Variants in ZNF680 observed in about 807,000 individuals in gnomAD.
ZNF680 encodes the protein zinc finger protein 680, also known as hypothetical protein FLJ90430.
A neutral mutation model predicts 12.1 loss-of-function variants in ZNF680; 6 were observed. The ratio of observed to expected loss-of-function variants is 0.49; its 90% CI spans 0.27 to 0.98. The LOEUF is 0.98. Among genes scored for constraint, ZNF680 ranks in the 50% least tolerant of loss-of-function variants. The pLI is 0.12. For missense variants in ZNF680, 561 were observed against 616.3 expected, an observed-to-expected ratio of 0.91 and a Z score of 0.95; for synonymous variants, 170 against 199.3, an observed-to-expected ratio of 0.85 and a Z score of 1.24.
At chr7:64,501,999 T>TC in the ZNF680 span, among the ~76,000 whole-genome samples, 1 of 95,920 alleles carries the variant, frequency 1.0e-5, no homozygotes. Flanking sequence ...ACGTATTTCT[T>TC]TTTTTTTTTT....
intron 1 of ZNF680, among the ~76,000 whole-genome samples, chr7:64,549,879 A>C (rs569863725): frequency 6.6e-6 from 1 of 152,178 alleles, no homozygotes; most frequent in Non-Finnish European, 1.5e-5. Flanking sequence ...GATACTTGTG[A>C]GGCTAAGGCA....
At position 64,544,441 on chromosome 7, in the gene ZNF680, C is replaced by A. The variant is rs770202206; in HGVS notation, c.31-9G>T. 1.5e-4 allele frequency: 14 copies of A among 93,028 alleles called. No homozygotes were observed. Among genetic ancestry groups the A allele is most frequent in the South Asian group, 3.2e-4 (2 of 6,304 alleles). The allele number at this position is 93,028 out of a possible 1,614,324, so 5.8% of individuals were successfully genotyped here. On this transcript the variant is annotated splice_polypyrimidine_tract_variant and intron_variant, in intron 1 of 3. Transcript: ENST00000309683. ...CTAAATGTCAGTGGTCCCTGAAAAA[C>A]ACACACACACACACACACACACACA...
intron 1 of ZNF680, among the ~76,000 whole-genome samples, chr7:64,559,350 G>A (rs1787598185): frequency 6.6e-6 from 1 of 152,186 alleles, no homozygotes; most frequent in Non-Finnish European, 1.5e-5. Context: ...CATTTGGGGG[G>A]CTGTAAGGTA....
intron 3 of ZNF680, among the ~76,000 whole-genome samples, chr7:64,538,681 C>T (rs1402951201): frequency 6.6e-6 from 1 of 152,122 alleles, no homozygotes; most frequent in Admixed American, 6.5e-5. Flanking sequence ...AACAAGGATG[C>T]AACCATTATT....
At chr7:64,548,519 G>A (rs1020064787) in intron 1 of ZNF680, among the ~76,000 whole-genome samples, 4 of 152,158 alleles carry the variant, frequency 2.6e-5, no homozygotes, top group African/African-American at 7.2e-5. Context: ...GAAGCAATTA[G>A]TTTATCTATT....
intron 3 of ZNF680, among the ~76,000 whole-genome samples, chr7:64,528,979 T>C (rs1785714307): frequency 6.6e-6 from 1 of 152,070 alleles, no homozygotes; most frequent in Non-Finnish European, 1.5e-5. Flanking sequence ...GAGAAACCCA[T>C]AAACAGTTCA....
the ZNF680 span, chr7:64,501,004 G>C: frequency 8.8e-6 from 6 of 684,094 alleles, no homozygotes; most frequent in South Asian, 5.9e-5. Flanking sequence ...AGGTGAATGA[G>C]AGAAATGCCC....
the ZNF680 span, among the ~76,000 whole-genome samples, chr7:64,507,029 T>A: frequency 6.6e-6 from 1 of 152,208 alleles, no homozygotes; most frequent in African/African-American, 2.4e-5. Context: ...CCCTAAGACA[T>A]GACTTTTTCA....
At chr7:64,550,375 T>G (rs1031440654) in intron 1 of ZNF680, among the ~76,000 whole-genome samples, 12 of 152,216 alleles carry the variant, frequency 7.9e-5, no homozygotes, top group African/African-American at 2.9e-4. Flanking sequence ...CTCATTTTAA[T>G]GTCTCTTTGA....
chr7:64,532,005 T>C (rs554885463), intron 3 of ZNF680, among the ~76,000 whole-genome samples: 60 of 152,190 alleles, frequency 3.9e-4, no homozygotes, highest in African/African-American at 1.3e-3. Context: ...AAAAAGCTGT[T>C]TCTTTGAAAA....
At chr7:64,502,742 TCTC>T in the ZNF680 span, among the ~76,000 whole-genome samples, 2 of 151,884 alleles carry the variant, frequency 1.3e-5, no homozygotes, top group Admixed American at 6.6e-5. Context: ...CGTAAGTTAT[TCTC>T]CTCTCAGTTT....
intron 3 of ZNF680, among the ~76,000 whole-genome samples, chr7:64,526,724 A>C (rs1479593027): frequency 6.6e-6 from 1 of 152,222 alleles, no homozygotes; most frequent in Non-Finnish European, 1.5e-5. Context: ...GTCTGCATAA[A>C]TCTGTCGATA....
intron 3 of ZNF680, among the ~76,000 whole-genome samples, chr7:64,529,457 A>G (rs1475071075): frequency 6.6e-6 from 1 of 152,222 alleles, no homozygotes; most frequent in Non-Finnish European, 1.5e-5. Flanking sequence ...AATAGATAAC[A>G]TAAAGAAAAA....
the ZNF680 span, chr7:64,501,692 A>G: frequency 9.5e-7 from 1 of 1,050,898 alleles, no homozygotes; most frequent in Non-Finnish European, 1.5e-6. Flanking sequence ...GAAGGAGAGG[A>G]TGACAGAGAC....
the ZNF680 span, among the ~76,000 whole-genome samples, chr7:64,512,457 C>CAA: frequency 2.1e-3 from 182 of 87,110 alleles, 1 homozygote; most frequent in African/African-American, 5.4e-3. Flanking sequence ...CCGTCTCCAG[C>CAA]AAAAAAAAAA....
At position 64,543,728 on chromosome 7, in the gene ZNF680, C is replaced by A; in HGVS notation, c.232G>T (p.Glu78Ter). ...GKEPWNRKRQ[E>*]MVAKPPVIYS... ...CTACCTGGGGGTTTGGCTACCATCTCCTGTCTCTTCCTATTCCAGGGCTCT... is the reference window on the plus strand; with the variant it reads ...CTACCTGGGGGTTTGGCTACCATCTACTGTCTCTTCCTATTCCAGGGCTCT... The change falls in exon 3 of 4, where the codon GAG becomes TAG. Residue 78 changes from glutamate (E) to a stop codon, truncating the protein, a stop_gained. Coordinates refer to ENST00000309683, the MANE Select transcript of ZNF680 (RefSeq NM_178558.5). LOFTEE classifies it low-confidence loss of function (END_TRUNC). 6.2e-7 allele frequency: 1 copy of A among 1,613,626 alleles called. No homozygotes were observed.
the ZNF680 span, among the ~76,000 whole-genome samples, chr7:64,510,193 C>T: frequency 6.7e-6 from 1 of 149,436 alleles, no homozygotes; most frequent in Non-Finnish European, 1.5e-5. Context: ...CCTTAAAAAC[C>T]TAATTAAAGT....
rs777023379 is a variant in ZNF680 at position 64,562,974 on chromosome 7, ATAC to A, written c.-23_-21del. Reference sequence around the variant, plus strand: ...TGGCATCTTAGCTGTGCATCTCCCAATACCTGCAGATAACGGAGTCACAGAGGC... The same window carrying A: ...TGGCATCTTAGCTGTGCATCTCCCAACTGCAGATAACGGAGTCACAGAGGC... On this transcript the variant is annotated 5_prime_UTR_variant, in exon 1 of 4. Coordinates refer to ENST00000309683, the MANE Select transcript of ZNF680 (RefSeq NM_178558.5). The A allele has an allele frequency of 1.6e-5, 25 of 1,612,896 alleles. No individual in the cohort carries two copies. The highest frequency in any genetic ancestry group is 2.0e-5 in the Non-Finnish European group (24 of 1,179,294).
intron 3 of ZNF680, among the ~76,000 whole-genome samples, chr7:64,537,838 G>A (rs973137166): frequency 1.3e-5 from 2 of 152,018 alleles, no homozygotes; most frequent in Non-Finnish European, 2.9e-5. Context: ...GCTGAGGCAG[G>A]AGAATGACGT....
Sources: allele counts gnomAD v4.1 joint callset (sites outside exome capture counted in the v4.1 genomes callset), GRCh38; gene constraint gnomAD v4.1.1; transcripts MANE v1.5; gene names NCBI Gene and HGNC (gene_info 2026-07-23, HGNC 2026-07-21).